WNT5A: variants seen among roughly 807,000 people sequenced by gnomAD.
WNT5A encodes Wnt family member 5A, also known as protein Wnt-5a.
A neutral mutation model predicts 42.1 loss-of-function variants in WNT5A; 9 were observed. That is an observed-to-expected ratio of 0.21 (90% CI 0.13 to 0.37). The LOEUF is 0.37. WNT5A is among the 10% of genes least tolerant of loss of function. The probability of loss-of-function intolerance (pLI) is 1.00; values close to 1 mark genes in which losing one functional copy is unlikely to be tolerated. For synonymous variants in WNT5A, 210 were observed against 210.0 expected (o/e 1.00, Z 0.00); for missense variants, 426 against 534.0 (o/e 0.80, Z 1.99).
At chr3:55,498,046 A>G in the WNT5A span, among the ~76,000 whole-genome samples, 1 of 152,160 alleles carries the variant, frequency 6.6e-6, no homozygotes, top group South Asian at 2.1e-4. Context: ...GCCTGTTGTC[A>G]TACATCTCAT....
At chr3:55,501,016 G>A in the WNT5A span, among the ~76,000 whole-genome samples, 3 of 152,078 alleles carry the variant, frequency 2.0e-5, no homozygotes, top group African/African-American at 4.8e-5. Flanking sequence ...CTCAATACCC[G>A]GATGAGATAG....
upstream of WNT5A, among the ~76,000 whole-genome samples, chr3:55,494,788 T>C (rs1575412615): frequency 6.6e-6 from 1 of 152,170 alleles, no homozygotes; most frequent in African/African-American, 2.4e-5. Context: ...CCACCCACCT[T>C]GGCCTCCCAA....
intron 1 of WNT5A, among the ~76,000 whole-genome samples, chr3:55,485,430 G>C (rs2051559333): frequency 6.6e-6 from 1 of 152,004 alleles, no homozygotes; most frequent in Non-Finnish European, 1.5e-5. Context: ...CGTTGAGAGG[G>C]TCGGGGGGTG....
At chr3:55,499,904 G>A in the WNT5A span, among the ~76,000 whole-genome samples, 2 of 151,846 alleles carry the variant, frequency 1.3e-5, no homozygotes, top group Non-Finnish European at 2.9e-5. Flanking sequence ...GAACCCAGGA[G>A]GCAGAGTCTG....
rs1395664110 is a variant in WNT5A, at chr3:55,467,663, A to G, written c.*2429T>C. 6.6e-6 allele frequency: 1 copy of G among 152,632 alleles called. No homozygotes were observed. Among genetic ancestry groups the G allele is most frequent in the Non-Finnish European group, 1.5e-5 (1 of 68,032 alleles). 9.5% of individuals were successfully genotyped at this position (152,632 alleles called of 1,614,324 possible). A position where few individuals can be genotyped will look rare whatever the true frequency, so the allele number is the denominator to read the frequency against. Reference sequence around the variant, plus strand: ...GATGTTTGTTTTTTAAACCAGTGAAATATACAAATCACGCAAGACAGAAAT... The same window carrying G: ...GATGTTTGTTTTTTAAACCAGTGAAGTATACAAATCACGCAAGACAGAAAT... On this transcript the variant is annotated 3_prime_UTR_variant, in exon 5 of 5. Coordinates refer to ENST00000264634, the MANE Select transcript of WNT5A (RefSeq NM_003392.7).
chr3:55,481,048 T>G (rs1241610103), intron 1 of WNT5A, 130 bp from the exon 2 acceptor site: 2 of 1,043,236 alleles, frequency 1.9e-6, no homozygotes, highest in African/African-American at 3.3e-5. Flanking sequence ...CCTCCGTGAG[T>G]TTTTTGATGG....
chr3:55,479,060 GA>G (rs978970396), intron 3 of WNT5A: 2 of 314,610 alleles, frequency 6.4e-6, no homozygotes, highest in Admixed American at 4.8e-5. Context: ...ATGCTTTATA[GA>G]AAAATTAAGT....
At chr3:55,487,634 C>T (rs1575409399), upstream of WNT5A, 1 of 152,604 alleles carries the variant, frequency 6.6e-6, no homozygotes, top group Admixed American at 6.5e-5. Flanking sequence ...CCTGCAGCCG[C>T]GAGTTAGTGT....
At chr3:55,481,049 T>G (rs1426961625) in intron 1 of WNT5A, 131 bp from the exon 2 acceptor site, 1 of 1,030,044 alleles carries the variant, frequency 9.7e-7, no homozygotes, top group African/African-American at 1.6e-5. Flanking sequence ...CTCCGTGAGT[T>G]TTTTGATGGC....
the WNT5A span, among the ~76,000 whole-genome samples, chr3:55,502,376 A>G: frequency 1.3e-5 from 2 of 152,216 alleles, no homozygotes; most frequent in Non-Finnish European, 2.9e-5. Flanking sequence ...TTTAAAGCTT[A>G]TCCATTTTCT....
the WNT5A span, among the ~76,000 whole-genome samples, chr3:55,504,762 C>T: frequency 6.6e-6 from 1 of 152,160 alleles, no homozygotes; most frequent in African/African-American, 2.4e-5. Flanking sequence ...CTGTGCCCGG[C>T]CTAGGCTAAA....
At chr3:55,472,622 T>G (rs1048394823) in intron 4 of WNT5A, among the ~76,000 whole-genome samples, 2 of 151,986 alleles carry the variant, frequency 1.3e-5, no homozygotes, top group Non-Finnish European at 2.9e-5. Flanking sequence ...GTGAGAGGCC[T>G]GAGAAAGGAG....
upstream of WNT5A, among the ~76,000 whole-genome samples, chr3:55,491,286 G>C (rs938037894): frequency 1.3e-5 from 2 of 152,150 alleles, no homozygotes; most frequent in Non-Finnish European, 2.9e-5. Context: ...GTTGGAAGGA[G>C]AGAAACCAAT....
At chr3:55,490,793 C>T (rs1418073724), upstream of WNT5A, among the ~76,000 whole-genome samples, 1 of 152,220 alleles carries the variant, frequency 6.6e-6, no homozygotes. Context: ...ATACTCTTCA[C>T]TGAATGAATA....
chr3:55,493,607 C>G (rs1354386024), upstream of WNT5A, among the ~76,000 whole-genome samples: 1 of 152,146 alleles, frequency 6.6e-6, no homozygotes, highest in African/African-American at 2.4e-5. Flanking sequence ...TGACACAAAC[C>G]CCTACTGACT....
At chr3:55,477,143 G>GCA (rs372924729) in intron 3 of WNT5A, among the ~76,000 whole-genome samples, 8 of 151,548 alleles carry the variant, frequency 5.3e-5, no homozygotes, top group African/African-American at 1.5e-4. Flanking sequence ...TTTGGGGTGG[G>GCA]CACACACACA....
At chr3:55,487,979 C>G (rs2051607797), upstream of WNT5A, 1 of 152,316 alleles carries the variant, frequency 6.6e-6, no homozygotes, top group African/African-American at 2.4e-5. Flanking sequence ...CTCTTTTCCC[C>G]GTTTTTCCAG....
chr3:55,484,785 T>G (rs1430210868), intron 1 of WNT5A, among the ~76,000 whole-genome samples: 2 of 151,928 alleles, frequency 1.3e-5, no homozygotes, highest in Non-Finnish European at 2.9e-5. Flanking sequence ...GAGGATCAAC[T>G]TTGTCCAGAG....
chr3:55,474,258 T>C, intron 4 of WNT5A, 79 bp downstream of exon 4: 1 of 1,581,192 alleles, frequency 6.3e-7, no homozygotes, highest in Non-Finnish European at 8.6e-7. Flanking sequence ...AGGACGGAGC[T>C]ACAGGGAGAG....
Sources: allele counts gnomAD v4.1 joint callset (sites outside exome capture counted in the v4.1 genomes callset), GRCh38; gene constraint gnomAD v4.1.1; transcripts MANE v1.5; gene names NCBI Gene and HGNC (gene_info 2026-07-23, HGNC 2026-07-21).